The following MYT1L variants were observed in gnomAD, a reference collection of about 807,000 sequenced individuals.
MYT1L encodes the protein myelin transcription factor 1-like protein.
In MYT1L, 12 loss-of-function variants were observed where a neutral mutation model predicts 126.7. The ratio of observed to expected loss-of-function variants is 0.09; its 90% CI spans 0.06 to 0.15. The LOEUF (loss-of-function observed/expected upper bound fraction) is 0.15. Ranked by LOEUF, MYT1L falls within the 10% of genes least tolerant of loss-of-function variation. The pLI is 1.00. For missense variants in MYT1L, 979 were observed against 1,585.2 expected (o/e 0.62, Z 6.49); for synonymous variants, 541 against 604.2 (o/e 0.90, Z 1.53).
intron 5 of MYT1L, among the ~76,000 whole-genome samples, chr2:1,991,571 G>A (rs569725861): frequency 2.4e-4 from 37 of 152,120 alleles, no homozygotes; most frequent in South Asian, 6.2e-4. Flanking sequence ...GAGCCACTGC[G>A]CCTGACCTAG....
chr2:1,890,223 C>T (rs2048682096), intron 15 of MYT1L, among the ~76,000 whole-genome samples: 1 of 152,048 alleles, frequency 6.6e-6, no homozygotes, highest in Non-Finnish European at 1.5e-5. Context: ...GTTTGCACCA[C>T]CATGCCCAAC....
chr2:2,272,865 T>C (rs1024215140), intron 2 of MYT1L, among the ~76,000 whole-genome samples: 5 of 152,088 alleles, frequency 3.3e-5, no homozygotes, highest in Non-Finnish European at 5.9e-5. Flanking sequence ...GGTCAGGAAA[T>C]CCTGCTGGCC....
At chr2:1,886,201 A>G (rs2048151300) in intron 18 of MYT1L, 1 of 207,710 alleles carries the variant, frequency 4.8e-6, no homozygotes, top group Non-Finnish European at 9.5e-6. Flanking sequence ...TTAAATTTTG[A>G]TTATTTACAG....
intron 2 of MYT1L, among the ~76,000 whole-genome samples, chr2:2,201,242 A>T (rs1003589549): frequency 4.8e-5 from 7 of 146,382 alleles, no homozygotes; most frequent in Admixed American, 2.7e-4. Context: ...ATTACTGGAG[A>T]CTGTTTTCAG....
chr2:1,997,368 T>C (rs2061962362), intron 4 of MYT1L, 21 bp from the exon 5 acceptor site: 1 of 152,594 alleles, frequency 6.6e-6, no homozygotes, highest in East Asian at 1.9e-4. Flanking sequence ...TAAAAAGCAA[T>C]ATACAGCACC....
chr2:2,003,288 A>C (rs2062591789), intron 4 of MYT1L, among the ~76,000 whole-genome samples: 1 of 152,046 alleles, frequency 6.6e-6, no homozygotes, highest in Non-Finnish European at 1.5e-5. Context: ...GTGACGTTTC[A>C]CATAAATTGT....
intron 12 of MYT1L, among the ~76,000 whole-genome samples, chr2:1,911,468 C>T (rs1035714143): frequency 2.0e-5 from 3 of 152,156 alleles, no homozygotes; most frequent in Non-Finnish European, 4.4e-5. Flanking sequence ...AAAGAGAACT[C>T]AGATCTTTCA....
At chr2:1,861,441 C>T (rs2044578714) in intron 18 of MYT1L, among the ~76,000 whole-genome samples, 1 of 151,984 alleles carries the variant, frequency 6.6e-6, no homozygotes, top group East Asian at 1.9e-4. Context: ...AAATGTTGAT[C>T]CTCATCCTTT....
intron 2 of MYT1L, among the ~76,000 whole-genome samples, chr2:2,238,114 G>T (rs551665261): frequency 1.0e-3 from 153 of 152,298 alleles, no homozygotes; most frequent in South Asian, 8.9e-3. Context: ...TCAGGATATT[G>T]AATGCTTAGA....
intron 4 of MYT1L, among the ~76,000 whole-genome samples, chr2:2,018,298 G>A (rs1327507201): frequency 6.6e-6 from 1 of 152,154 alleles, no homozygotes; most frequent in East Asian, 1.9e-4. Context: ...AGCAGAAGAT[G>A]AAGTTGGCCA....
chr2:1,804,561 A>T (rs2035394870), intron 22 of MYT1L, among the ~76,000 whole-genome samples: 1 of 152,218 alleles, frequency 6.6e-6, no homozygotes, highest in South Asian at 2.1e-4. Context: ...CCCACTGGAC[A>T]CCAAAGCAAA....
intron 4 of MYT1L, among the ~76,000 whole-genome samples, chr2:2,018,927 G>A (rs1184556167): frequency 6.6e-6 from 1 of 152,132 alleles, no homozygotes; most frequent in African/African-American, 2.4e-5. Context: ...ATAGAGCTGG[G>A]GGAGCCGCTG....
rs1486325982 is a variant in MYT1L at position 1,892,189 on chromosome 2, C to T, written c.2131G>A (p.Ala711Thr). The T allele has an allele frequency of 4.5e-6, 7 of 1,549,380 alleles. No homozygotes were observed. The highest frequency in any genetic ancestry group is 6.1e-6 in the Non-Finnish European group (7 of 1,146,570). The change falls in exon 15 of 25, where the codon GCC (alanine) becomes ACC (threonine). Residue 711 changes from alanine (A) to threonine (T), a missense_variant. Transcript: ENST00000647738. ...CTGCTCTTGCTGCACGTGCTGCTGGCGCTGCTGCCCCCGCCGCAGCTCAGG... is the reference window on the plus strand; with the variant it reads ...CTGCTCTTGCTGCACGTGCTGCTGGTGCTGCTGCCCCCGCCGCAGCTCAGG... ...SNLSCGGGSS[A>T]SSTCSKSSFD... is the part of the protein sequence containing the mutation.
chr2:1,923,221 T>A lies in MYT1L; in HGVS notation c.548A>T (p.Asp183Val), dbSNP rs2053795532. 6.2e-7 allele frequency: 1 copy of A among 1,609,164 alleles called. No individual in the cohort carries two copies. The highest frequency in any genetic ancestry group is 1.3e-5 in the African/African-American group (1 of 74,888). ...ATTATTGTTATCATCCTTTTCTGTG[T>A]CTTGCATTATTCGAGTATTGTGACA... ...MNCHNTRIMQ[D>V]TEKDDNNNDE... Residue 183 changes from aspartate to valine, a missense_variant, in exon 10 of 25, where the codon GAC (aspartate) becomes GTC (valine). Coordinates refer to ENST00000647738, the MANE Select transcript of MYT1L (RefSeq NM_001303052.2).
At chr2:2,070,617 T>C (rs1174092903) in intron 3 of MYT1L, among the ~76,000 whole-genome samples, 6 of 152,238 alleles carry the variant, frequency 3.9e-5, no homozygotes, top group Non-Finnish European at 8.8e-5. Flanking sequence ...CATATGTTTA[T>C]TGTGTCACGT....
chr2:2,244,602 A>T (rs1228427243), intron 2 of MYT1L, among the ~76,000 whole-genome samples: 1 of 152,222 alleles, frequency 6.6e-6, no homozygotes, highest in African/African-American at 2.4e-5. Context: ...GCACCAGCTC[A>T]GCATAAGCTG....
chr2:1,916,397 C>T (rs2149065459), intron 11 of MYT1L, among the ~76,000 whole-genome samples: 1 of 152,300 alleles, frequency 6.6e-6, no homozygotes, highest in Middle Eastern at 3.4e-3. Context: ...GTAAGGGAAA[C>T]TCTTCCCATG....
At chr2:2,310,408 T>C (rs891853236) in intron 1 of MYT1L, among the ~76,000 whole-genome samples, 14 of 152,076 alleles carry the variant, frequency 9.2e-5, no homozygotes, top group African/African-American at 3.4e-4. Flanking sequence ...ACTTTATCTA[T>C]ACTCCATCTA....
chr2:1,802,541 C>T lies in MYT1L; in HGVS notation c.3173-742G>A, dbSNP rs147206487. 1.0e-3 allele frequency among the ~76,000 whole-genome samples: 157 copies of T among 152,352 alleles called. 2 individuals are homozygous for T. The highest frequency in any genetic ancestry group is 9.5e-3 in the East Asian group (49 of 5,180). On this transcript the variant is annotated intron_variant, in intron 22 of 24. Coordinates refer to ENST00000647738, the MANE Select transcript of MYT1L (RefSeq NM_001303052.2). ...GTAAACTCTGCCAGAATGATGACCT[C>T]GGCCAGGTGTGTACCTGACCATCTG...
Sources: gnomAD v4.1 joint callset for allele counts (sites outside exome capture counted in the v4.1 genomes callset) on GRCh38, gnomAD v4.1.1 for gene constraint, MANE v1.5 for transcripts, NCBI Gene and HGNC (gene_info 2026-07-23, HGNC 2026-07-21) for gene names.